The following TBL1X variants were observed in gnomAD, a reference collection of about 807,000 sequenced individuals.
The protein encoded by TBL1X is transducin beta like 1 X-linked, also known as F-box-like/WD repeat-containing protein TBL1X.
Under a neutral mutation model 50.7 loss-of-function variants are expected in TBL1X, and 10 were observed. That is an observed-to-expected ratio of 0.20 (90% CI 0.12 to 0.33). The LOEUF (loss-of-function observed/expected upper bound fraction) is 0.33, where lower values mean the gene tolerates loss of function less well. Ranked by LOEUF, TBL1X falls within the 10% of genes least tolerant of loss-of-function variation. The pLI is 1.00. For missense variants in TBL1X, 340 were observed against 504.4 expected (o/e 0.67, Z 3.12); for synonymous variants, 190 against 214.7 (o/e 0.88, Z 1.01).
intron 2 of TBL1X, among the ~76,000 whole-genome samples, chrX:9,617,550 T>A (rs1312791569): frequency 8.9e-6 from 1 of 112,267 alleles, no homozygotes; most frequent in Non-Finnish European, 1.9e-5. Flanking sequence ...TCTAGTTCAA[T>A]TTAGGAGAGT....
intron 12 of TBL1X, among the ~76,000 whole-genome samples, chrX:9,697,788 A>G (rs375611254): frequency 2.6e-4 from 29 of 111,493 alleles, no homozygotes; most frequent in Admixed American, 2.4e-3. Context: ...ACTAATAATA[A>G]TAATCCAAAA....
intron 13 of TBL1X, among the ~76,000 whole-genome samples, chrX:9,707,207 C>T (rs762750348): frequency 9.0e-6 from 1 of 110,920 alleles, no homozygotes; most frequent in African/African-American, 3.3e-5. Context: ...ATTCCCTTGT[C>T]CTGATTCCCC....
intron 2 of TBL1X, among the ~76,000 whole-genome samples, chrX:9,630,520 T>C (rs2082715490): frequency 8.9e-6 from 1 of 112,867 alleles, no homozygotes; most frequent in African/African-American, 3.2e-5. Context: ...TTACTTGGAA[T>C]ACCTAATACA....
chrX:9,684,597 T>TAAAAAAAAAAAAA (rs1491581393), intron 6 of TBL1X, among the ~76,000 whole-genome samples: 1 of 4,787 alleles, frequency 2.1e-4, no homozygotes, highest in African/African-American at 1.6e-3. Flanking sequence ...ATCTCTAAAA[T>TAAAAAAAAAAAAA]TAAAAAAAAA....
chrX:9,494,564 TCAA>T (rs772793464), intron 1 of TBL1X, among the ~76,000 whole-genome samples: 1 of 111,829 alleles, frequency 8.9e-6, no homozygotes, highest in Non-Finnish European at 1.9e-5. Context: ...ATAGACTTCT[TCAA>T]CTTCAAAAAA....
rs1347657280 is a variant in TBL1X, at chrX:9,465,399, G to C, written c.-249G>C. The C allele has an allele frequency of 2.7e-5, 3 of 110,095 alleles. No individual in the cohort carries two copies. In the Admixed American group the frequency reaches 2.8e-4, roughly 10 times the overall value. The allele number at this position is 110,095 out of a possible 1,213,427, so 9.1% of individuals were successfully genotyped here. A position where few individuals can be genotyped will look rare whatever the true frequency, so the allele number is the denominator to read the frequency against. On this transcript the variant is annotated 5_prime_UTR_variant, in exon 1 of 18. Transcript: ENST00000645353. ...GCTGCCGGCTGGAGGGAGGTTCGGA[G>C]CGCGGCCGGGCGCGCGGCGCCGCCA...
chrX:9,586,010 G>A (rs945548622), intron 2 of TBL1X, among the ~76,000 whole-genome samples: 3 of 112,138 alleles, frequency 2.7e-5, no homozygotes, highest in African/African-American at 9.7e-5. Context: ...GTAAGTGTTG[G>A]CAGGGATGTG....
intron 2 of TBL1X, among the ~76,000 whole-genome samples, chrX:9,540,384 G>A (rs139307924): frequency 2.7e-5 from 3 of 112,211 alleles, no homozygotes; most frequent in Non-Finnish European, 5.6e-5. Flanking sequence ...TTTGTTTGAG[G>A]CCAACCAAGT....
chrX:9,679,623 A>C (rs1015403247), intron 5 of TBL1X, among the ~76,000 whole-genome samples: 5 of 112,248 alleles, frequency 4.5e-5, no homozygotes, highest in African/African-American at 1.6e-4. Flanking sequence ...TTCGTTTATC[A>C]TTGACATTCT....
In TBL1X at chrX:9,592,636, C is replaced by G. The variant is rs758543723; in HGVS notation, c.-130-47637C>G. Among the ~76,000 whole-genome samples, 7 of 111,481 alleles carry G rather than the reference C, an allele frequency of 6.3e-5. No individual in the cohort carries two copies. In the East Asian group the frequency reaches 2.0e-3, roughly 31 times the overall value. On this transcript the variant is annotated intron_variant, in intron 2 of 17. Coordinates refer to ENST00000645353, the MANE Select transcript of TBL1X (RefSeq NM_005647.4). ...ACAATAACTGGCCCTTCCACACTCC[C>G]CTCCCCACACTCAGTCCCTGGTGAC...
chrX:9,697,946 G>A (rs914021595), intron 12 of TBL1X, among the ~76,000 whole-genome samples: 1 of 111,420 alleles, frequency 9.0e-6, no homozygotes, highest in African/African-American at 3.3e-5. Context: ...TTAGTCGGGT[G>A]TTGTGGTACA....
chrX:9,563,490 A>AC (rs770934726), intron 2 of TBL1X, among the ~76,000 whole-genome samples: 25 of 112,847 alleles, frequency 2.2e-4, no homozygotes, highest in Non-Finnish European at 4.3e-4. Flanking sequence ...TCTTCTGAAA[A>AC]CAAATTGAAT....
chrX:9,531,694 C>G (rs1378931351), intron 2 of TBL1X, among the ~76,000 whole-genome samples: 1 of 109,364 alleles, frequency 9.1e-6, no homozygotes, highest in African/African-American at 3.3e-5. Flanking sequence ...CCCTTGAGTC[C>G]AGGAGTTCGA....
chrX:9,525,972 G>C (rs908803309), intron 2 of TBL1X, among the ~76,000 whole-genome samples: 2 of 111,072 alleles, frequency 1.8e-5, no homozygotes, highest in Non-Finnish European at 3.8e-5. Context: ...TCTTGTGTCC[G>C]GGAACGTTCC....
chrX:9,477,181 T>C (rs1179541156), intron 1 of TBL1X, among the ~76,000 whole-genome samples: 4 of 112,231 alleles, frequency 3.6e-5, no homozygotes, highest in Non-Finnish European at 7.5e-5. Flanking sequence ...TCCTTTCTAA[T>C]ATGTGTCTGG....
At chrX:9,590,852 G>A (rs780817680) in intron 2 of TBL1X, among the ~76,000 whole-genome samples, 1 of 110,579 alleles carries the variant, frequency 9.0e-6, no homozygotes, top group Non-Finnish European at 1.9e-5. Flanking sequence ...TTACTGTGGG[G>A]GTGGGGAGGA....
chrX:9,663,927 C>A (rs940262074), intron 5 of TBL1X, among the ~76,000 whole-genome samples: 1 of 110,764 alleles, frequency 9.0e-6, no homozygotes, highest in East Asian at 2.8e-4. Context: ...TAGGAGAGTT[C>A]TTTTGTGTTG....
chrX:9,641,259 T>G (rs1030634604), intron 3 of TBL1X, among the ~76,000 whole-genome samples: 1 of 112,028 alleles, frequency 8.9e-6, no homozygotes, highest in Non-Finnish European at 1.9e-5. Flanking sequence ...CACCAAACAA[T>G]TGTATGTGCA....
chrX:9,643,120 G>A (rs1220717672), intron 3 of TBL1X, among the ~76,000 whole-genome samples: 2 of 111,803 alleles, frequency 1.8e-5, no homozygotes, highest in African/African-American at 6.5e-5. Flanking sequence ...CTCTGGGCCT[G>A]TGTAACTGCC....
Sources: allele counts gnomAD v4.1 joint callset (sites outside exome capture counted in the v4.1 genomes callset), GRCh38; gene constraint gnomAD v4.1.1; transcripts MANE v1.5; gene names NCBI Gene and HGNC (gene_info 2026-07-23, HGNC 2026-07-21).